The following WDR76 variants were observed in gnomAD, a reference collection of about 807,000 sequenced individuals.
The protein encoded by WDR76 is WD repeat-containing protein 76.
WDR76 carries 52 observed loss-of-function variants against 70.2 expected under a neutral mutation model. The ratio of observed to expected loss-of-function variants is 0.74; its 90% CI spans 0.59 to 0.93. The LOEUF is 0.93. Ranked by LOEUF, WDR76 falls within the 40% of genes least tolerant of loss-of-function variation. The pLI, the probability that WDR76 is intolerant of heterozygous loss-of-function variation, is 0.00. For missense variants in WDR76, 756 were observed against 760.2 expected, an observed-to-expected ratio of 0.99 and a Z score of 0.07; for synonymous variants, 292 against 271.1, an observed-to-expected ratio of 1.08 and a Z score of -0.76.
Position 43,867,671 on chromosome 15 carries a change from T to C in WDR76, c.*1279T>C, listed in dbSNP as rs573712489. ...GGCTTACCTGTCCCGATCTTTAAAC[T>C]GTCCGAAGGAAATTCAATAGCCTGT... On this transcript the variant is annotated 3_prime_UTR_variant, in exon 13 of 13. Transcript: ENST00000263795. The C allele has an allele frequency of 6.6e-6, 1 of 152,236 alleles. No individual in the cohort carries two copies. The highest frequency in any genetic ancestry group is 1.9e-4 in the East Asian group (1 of 5,190). 9.4% of individuals were successfully genotyped at this position (152,236 alleles called of 1,614,324 possible).
Position 43,828,236 on chromosome 15 carries a change from A to G in WDR76, c.332A>G (p.Asn111Ser). Residue 111 changes from asparagine to serine, a missense_variant, in exon 2 of 13, where the codon AAT becomes AGT. Coordinates refer to ENST00000263795, the MANE Select transcript of WDR76 (RefSeq NM_024908.4). Reference sequence around the variant, plus strand: ...TCCAAGGCAGAATCCACGCTGCAAAATTCATCCTCAGCTGTTCATACTGAA... The same window carrying G: ...TCCAAGGCAGAATCCACGCTGCAAAGTTCATCCTCAGCTGTTCATACTGAA... ...TSSKAESTLQ[N>S]SSSAVHTESN... is the part of the protein sequence containing the mutation. 6.2e-7 allele frequency: 1 copy of G among 1,614,192 alleles called. No homozygotes were observed.
At chr15:43,828,518 T>C in intron 2 of WDR76, 152 bp downstream of exon 2, 2 of 755,120 alleles carry the variant, frequency 2.6e-6, no homozygotes. Flanking sequence ...TTATTATTTT[T>C]AAGGTTTAAC....
chr15:43,865,619 G>C (rs547854330), intron 12 of WDR76, among the ~76,000 whole-genome samples: 2 of 152,052 alleles, frequency 1.3e-5, no homozygotes, highest in African/African-American at 4.8e-5. Context: ...GGACAGGCTG[G>C]TCTCGAACTC....
intron 2 of WDR76, among the ~76,000 whole-genome samples, chr15:43,833,115 C>A (rs2087611492): frequency 6.6e-6 from 1 of 151,924 alleles, no homozygotes; most frequent in Middle Eastern, 3.4e-3. Flanking sequence ...CCTTTTTAAT[C>A]TGGAAGCTCA....
intron 12 of WDR76, among the ~76,000 whole-genome samples, chr15:43,865,810 A>G (rs957090776): frequency 6.6e-6 from 1 of 152,246 alleles, no homozygotes; most frequent in Non-Finnish European, 1.5e-5. Context: ...TGTGTAGTCC[A>G]TACTTTAATG....
intron 12 of WDR76, chr15:43,864,141 G>A (rs540930428): frequency 3.9e-5 from 6 of 152,260 alleles, no homozygotes; most frequent in Admixed American, 3.3e-4. Flanking sequence ...ATAGTATTCC[G>A]TTATGTGTAT....
chr15:43,834,940 G>A, intron 2 of WDR76, 121 bp from the exon 3 acceptor site: 1 of 826,434 alleles, frequency 1.2e-6, no homozygotes, highest in Non-Finnish European at 1.9e-6. Flanking sequence ...ATGATGAAAT[G>A]AATAGAGATA....
chr15:43,858,612 G>A, intron 10 of WDR76, 59 bp from the exon 11 acceptor site: 1 of 1,585,876 alleles, frequency 6.3e-7, no homozygotes, highest in Non-Finnish European at 8.6e-7. Context: ...GTTTAGCCCT[G>A]TTGTAGAGGT....
At position 43,844,013 on chromosome 15, in the gene WDR76, G is replaced by A. The variant is rs750960770; in HGVS notation, c.991G>A (p.Ala331Thr). The A allele has an allele frequency of 4.3e-6, 7 of 1,613,592 alleles. No individual in the cohort carries two copies. The highest frequency in any genetic ancestry group is 3.3e-5 in the Admixed American group (2 of 59,936). Residue 331 changes from alanine to threonine, a missense_variant, in exon 8 of 13, where the codon GCA (alanine) becomes ACA (threonine). By Grantham distance (58) the Ala-to-Thr change is moderately conservative. Transcript: ENST00000263795. ...TCCATCAGAAACTAGAACTTTGGTA[G>A]CAGTTGGGGCCAAATTTGGGCAAGT... The part of the protein sequence containing the change: ...LHPSETRTLV[A>T]VGAKFGQVGL...
intron 8 of WDR76, among the ~76,000 whole-genome samples, chr15:43,848,431 A>C (rs909376531): frequency 2.6e-5 from 4 of 152,196 alleles, no homozygotes; most frequent in Non-Finnish European, 4.4e-5. Flanking sequence ...AATTTTCTAT[A>C]TTATCAAAAG....
intron 9 of WDR76, among the ~76,000 whole-genome samples, chr15:43,854,674 C>T (rs538089965): frequency 7.2e-5 from 11 of 152,198 alleles, no homozygotes; most frequent in East Asian, 1.9e-4. Context: ...TAGAGCTGGG[C>T]GCAGTGGCTC....
At chr15:43,846,889 G>A (rs889051223) in intron 8 of WDR76, among the ~76,000 whole-genome samples, 1 of 151,912 alleles carries the variant, frequency 6.6e-6, no homozygotes, top group African/African-American at 2.4e-5. Context: ...GGGCATGGTG[G>A]CACATGCCTG....
At chr15:43,855,133 G>C (rs936127389) in intron 9 of WDR76, among the ~76,000 whole-genome samples, 2 of 152,030 alleles carry the variant, frequency 1.3e-5, no homozygotes, top group African/African-American at 4.8e-5. Context: ...TTTGTTTCTG[G>C]CTTTTACCTA....
At chr15:43,850,415 C>G (rs554150702) in intron 8 of WDR76, among the ~76,000 whole-genome samples, 2 of 152,138 alleles carry the variant, frequency 1.3e-5, no homozygotes, top group African/African-American at 4.8e-5. Context: ...CCTGCCTCAG[C>G]CTCCCGAGTA....
chr15:43,867,736 A>T lies in WDR76; in HGVS notation c.*1344A>T, dbSNP rs1439455305. The T allele has an allele frequency of 6.6e-6, 1 of 152,136 alleles. No individual in the cohort carries two copies. Among genetic ancestry groups the T allele is most frequent in the African/African-American group, 2.4e-5 (1 of 41,434 alleles). The allele number at this position is 152,136 out of a possible 1,614,324, so 9.4% of individuals were successfully genotyped here. A position where few individuals can be genotyped will look rare whatever the true frequency, so the allele number is the denominator to read the frequency against. On this transcript the variant is annotated 3_prime_UTR_variant, in exon 13 of 13. Transcript: ENST00000263795. Reference sequence around the variant, plus strand: ...CATTCTTACTTGTATTTGGGGGAATATTATGAAATACTCACCACTTTTGGT... The same window carrying T: ...CATTCTTACTTGTATTTGGGGGAATTTTATGAAATACTCACCACTTTTGGT...
rs765613617 is a variant in WDR76 at position 43,839,633 on chromosome 15, G to A, written c.637G>A (p.Gly213Arg). The A allele has an allele frequency of 1.2e-6, 2 of 1,612,052 alleles. No homozygotes were observed. Among genetic ancestry groups the A allele is most frequent in the Non-Finnish European group, 1.7e-6 (2 of 1,178,886 alleles). The change falls in exon 5 of 13, where the codon GGA becomes AGA. Residue 213 changes from glycine to arginine, a missense_variant. By Grantham distance (125) the Gly-to-Arg change is moderately radical (BLOSUM62 -2). Transcript: ENST00000263795. ...RKKPKRENGIGCRRSMRLLKV... is the reference protein window; with the variant it reads ...RKKPKRENGIRCRRSMRLLKV... Reference sequence around the variant, plus strand: ...GAAGCCTAAGAGAGAAAATGGGATTGGATGTAGAAGGTCAATGCGATTACT... The same window carrying A: ...GAAGCCTAAGAGAGAAAATGGGATTAGATGTAGAAGGTCAATGCGATTACT...
intron 4 of WDR76, among the ~76,000 whole-genome samples, chr15:43,838,912 A>G (rs570027351): frequency 3.9e-5 from 6 of 152,254 alleles, no homozygotes; most frequent in Admixed American, 3.3e-4. Flanking sequence ...TGTTGACTAC[A>G]GTTTTTAGTA....
intron 3 of WDR76, 96 bp downstream of exon 3, chr15:43,835,246 C>T (rs948795157): frequency 1.4e-5 from 16 of 1,121,322 alleles, no homozygotes; most frequent in East Asian, 9.7e-5. Context: ...ATGGGAGAAT[C>T]GCTTGAGGCC....
intron 8 of WDR76, among the ~76,000 whole-genome samples, chr15:43,844,376 G>A (rs2087761386): frequency 6.6e-6 from 1 of 152,160 alleles, no homozygotes; most frequent in Non-Finnish European, 1.5e-5. Context: ...CCAGCACTTT[G>A]AGAGGCTGAG....
Sources: allele counts gnomAD v4.1 joint callset (sites outside exome capture counted in the v4.1 genomes callset), GRCh38; gene constraint gnomAD v4.1.1; transcripts MANE v1.5; gene names NCBI Gene and HGNC (gene_info 2026-07-23, HGNC 2026-07-21).